The following CTDP1 variants were observed in gnomAD, a reference collection of about 807,000 sequenced individuals.
CTDP1 encodes the protein RNA polymerase II subunit A C-terminal domain phosphatase.
In CTDP1, 47 loss-of-function variants were observed where a neutral mutation model predicts 91.8. The ratio of observed to expected loss-of-function variants is 0.51; its 90% confidence interval spans 0.41 to 0.65. The LOEUF is 0.65. Among genes scored for constraint, CTDP1 ranks in the 30% least tolerant of loss-of-function variants. The pLI, the probability that CTDP1 is intolerant of heterozygous loss-of-function variation, is 0.00. For missense variants in CTDP1, 1,272 were observed against 1,373.7 expected (o/e 0.93, Z 1.17); for synonymous variants, 656 against 598.5 (o/e 1.10, Z -1.40).
Position 79,714,593 on chromosome 18 carries a change from A to C in CTDP1, c.1133A>C (p.Glu378Ala). ...APGVEPSNGLEKPARELNGSE... is the reference protein window; with the variant it reads ...APGVEPSNGLAKPARELNGSE... ...GGAGTGGAGCCCAGCAATGGCCTGG[A>C]GAAGCCTGCACGGGAGCTGAACGGC... Residue 378 changes from glutamate (E) to alanine (A), a missense_variant, in exon 8 of 13, where the codon GAG (glutamate) becomes GCG (alanine). Physicochemically the swap from Glu to Ala is moderately radical, Grantham distance 107. Coordinates refer to ENST00000613122, the MANE Select transcript of CTDP1 (RefSeq NM_004715.5). The C allele has an allele frequency of 1.2e-6, 2 of 1,613,060 alleles. No individual in the cohort carries two copies. Among genetic ancestry groups the C allele is most frequent in the Non-Finnish European group, 8.5e-7 (1 of 1,180,030 alleles).
rs540279208 is a variant in CTDP1, at chr18:79,719,369, G to A, written c.2417+1353G>A. Among the ~76,000 whole-genome samples, 9 of 152,124 alleles carry A rather than the reference G, an allele frequency of 5.9e-5. No homozygotes were observed. In the East Asian group the frequency reaches 1.5e-3, roughly 26 times the overall value. On this transcript the variant is annotated intron_variant, in intron 10 of 12. Transcript: ENST00000613122. ...GCTGGGCCGGTGCGGGTGGCTTCCC[G>A]TGCGGCAGCCTGGCGACGCTCTGGG...
chr18:79,728,835 A>G (rs1402555173), intron 10 of CTDP1, 72 bp from the exon 11 acceptor site: 6 of 1,488,710 alleles, frequency 4.0e-6, no homozygotes, highest in Admixed American at 1.8e-5. Context: ...GAGAGCCAGG[A>G]GTCTGATTCG....
chr18:79,708,358 T>C (rs1178964922), intron 5 of CTDP1, among the ~76,000 whole-genome samples: 1 of 152,230 alleles, frequency 6.6e-6, no homozygotes, highest in Non-Finnish European at 1.5e-5. Flanking sequence ...TCAGAGGTGG[T>C]GGTGCAGAGG....
At chr18:79,741,609 G>A (rs56362318) in intron 12 of CTDP1, among the ~76,000 whole-genome samples, 19,304 of 152,252 alleles carry the variant, frequency 0.13, 1,614 homozygotes, top group Non-Finnish European at 0.19. Flanking sequence ...AAGGAAAACA[G>A]CACCACGTTT....
intron 10 of CTDP1, among the ~76,000 whole-genome samples, chr18:79,721,108 G>GCTGC (rs1294759343): frequency 6.6e-6 from 1 of 152,134 alleles, no homozygotes; most frequent in African/African-American, 2.4e-5. Context: ...GATCCCACAC[G>GCTGC]CTGCCCACTT....
chr18:79,689,291 T>C (rs955385674), intron 1 of CTDP1, among the ~76,000 whole-genome samples: 9 of 152,186 alleles, frequency 5.9e-5, no homozygotes, highest in Non-Finnish European at 1.0e-4. Flanking sequence ...TTGTAAAAAG[T>C]TACAACTTTT....
At chr18:79,705,348 G>A (rs1422690163) in intron 5 of CTDP1, among the ~76,000 whole-genome samples, 3 of 152,198 alleles carry the variant, frequency 2.0e-5, no homozygotes, top group Non-Finnish European at 2.9e-5. Flanking sequence ...CTGTCTCCCT[G>A]GGTGATAGCG....
intron 11 of CTDP1, among the ~76,000 whole-genome samples, chr18:79,730,847 G>A (rs1024770385): frequency 3.9e-5 from 6 of 152,218 alleles, no homozygotes; most frequent in Non-Finnish European, 8.8e-5. Flanking sequence ...GTCCTGTGAG[G>A]CTCATGTTGG....
At chr18:79,739,786 G>T (rs1425163666) in intron 12 of CTDP1, among the ~76,000 whole-genome samples, 4 of 150,766 alleles carry the variant, frequency 2.7e-5, no homozygotes, top group African/African-American at 9.9e-5. Flanking sequence ...AGGACGGGTG[G>T]GACTCTCATA....
chr18:79,728,363 G>A (rs920548663), intron 10 of CTDP1, among the ~76,000 whole-genome samples: 1 of 152,220 alleles, frequency 6.6e-6, no homozygotes, highest in African/African-American at 2.4e-5. Flanking sequence ...GCCTCCCAAA[G>A]TGCTGGCTTT....
intron 12 of CTDP1, among the ~76,000 whole-genome samples, chr18:79,739,822 T>TTGCTCCCTGCCTGCAC (rs1377813728): frequency 2.2e-5 from 3 of 137,528 alleles, no homozygotes; most frequent in South Asian, 2.6e-4. Flanking sequence ...GGTGGGACTC[T>TTGCTCCCTGCCTGCAC]CATACCCACG....
At chr18:79,721,579 A>G (rs1013751338) in intron 10 of CTDP1, among the ~76,000 whole-genome samples, 6 of 152,162 alleles carry the variant, frequency 3.9e-5, no homozygotes, top group African/African-American at 1.4e-4. Context: ...TGTTCTTTAG[A>G]CGCTGCTTTT....
intron 1 of CTDP1, 121 bp from the exon 2 acceptor site, chr18:79,695,104 A>G: frequency 3.4e-6 from 3 of 875,158 alleles, no homozygotes; most frequent in Non-Finnish European, 5.7e-6. Flanking sequence ...CCTGCCTACA[A>G]AGTTATGCAA....
intron 1 of CTDP1, among the ~76,000 whole-genome samples, chr18:79,686,408 A>G (rs2085494332): frequency 6.6e-6 from 1 of 152,244 alleles, no homozygotes; most frequent in East Asian, 1.9e-4. Flanking sequence ...TTATATTTTC[A>G]GGAGAAAGAG....
At chr18:79,742,163 CAG>C in intron 12 of CTDP1, among the ~76,000 whole-genome samples, 1 of 31,406 alleles carries the variant, frequency 3.2e-5, no homozygotes, top group Admixed American at 3.7e-4. Context: ...CTGGGGGCAG[CAG>C]AGGAAGCATG....
intron 10 of CTDP1, among the ~76,000 whole-genome samples, chr18:79,722,139 A>C (rs2086357068): frequency 1.3e-5 from 2 of 152,374 alleles, no homozygotes; most frequent in African/African-American, 4.8e-5. Flanking sequence ...GAAGTGAGCT[A>C]GGAATTTCTA....
intron 4 of CTDP1, among the ~76,000 whole-genome samples, chr18:79,700,733 G>C (rs909728452): frequency 6.6e-6 from 1 of 152,226 alleles, no homozygotes; most frequent in South Asian, 2.1e-4. Context: ...GATTTTCAGT[G>C]CAGACAAAAC....
At chr18:79,695,755 T>C (rs1470319073) in intron 2 of CTDP1, among the ~76,000 whole-genome samples, 2 of 152,238 alleles carry the variant, frequency 1.3e-5, no homozygotes, top group African/African-American at 4.8e-5. Flanking sequence ...CATGAAGGAC[T>C]ATGGCTCTGT....
At chr18:79,707,390 C>G (rs749203931) in intron 5 of CTDP1, among the ~76,000 whole-genome samples, 4 of 152,222 alleles carry the variant, frequency 2.6e-5, no homozygotes, top group African/African-American at 4.8e-5. Context: ...ATCCGCAGGC[C>G]TCTGAGCCGC....
Sources: gnomAD v4.1 joint callset for allele counts (sites outside exome capture counted in the v4.1 genomes callset) on GRCh38, gnomAD v4.1.1 for gene constraint, MANE v1.5 for transcripts, NCBI Gene and HGNC (gene_info 2026-07-23, HGNC 2026-07-21) for gene names.